The following PKNOX2 variants were observed in gnomAD, a reference collection of about 807,000 sequenced individuals.
PKNOX2 encodes the protein homeobox protein PKNOX2.
In PKNOX2, 14 loss-of-function variants were observed where a neutral mutation model predicts 53.1. The observed-to-expected ratio is 0.26, with a 90% confidence interval of 0.17 to 0.41. The LOEUF (loss-of-function observed/expected upper bound fraction) is 0.41, where lower values mean the gene tolerates loss of function less well. Ranked by LOEUF, PKNOX2 falls within the 10% of genes least tolerant of loss-of-function variation. The pLI, the probability that PKNOX2 is intolerant of heterozygous loss-of-function variation, is 1.00. For missense variants in PKNOX2, 496 were observed against 602.8 expected, an observed-to-expected ratio of 0.82 and a Z score of 1.85; for synonymous variants, 257 against 242.8, an observed-to-expected ratio of 1.06 and a Z score of -0.54.
chr11:125,389,584 A>G lies in PKNOX2; in HGVS notation c.399+3862A>G, dbSNP rs552146185. 2.4e-4 allele frequency among the ~76,000 whole-genome samples: 36 copies of G among 152,328 alleles called. No individual in the cohort carries two copies. In the South Asian group the frequency reaches 6.6e-3, roughly 28 times the overall value. On this transcript the variant is annotated intron_variant, in intron 6 of 12. Coordinates refer to ENST00000298282, the MANE Select transcript of PKNOX2 (RefSeq NM_001382323.2). ...AGGACGATTCCTAAGCTGGGCCCAC[A>G]GATCCCCTCCTTGGGCCCACCAGCC...
chr11:125,343,209 G>T (rs994787497), intron 3 of PKNOX2, among the ~76,000 whole-genome samples: 6 of 152,172 alleles, frequency 3.9e-5, no homozygotes, highest in Admixed American at 3.9e-4. Flanking sequence ...GGTGTGGTGA[G>T]TGTGAGTTTT....
intron 1 of PKNOX2, among the ~76,000 whole-genome samples, chr11:125,192,809 C>T (rs936405440): frequency 4.6e-5 from 7 of 152,238 alleles, no homozygotes; most frequent in South Asian, 2.1e-4. Flanking sequence ...CAGGAAATCA[C>T]GGCCAGCCAG....
At chr11:125,383,403 G>T in intron 5 of PKNOX2, among the ~76,000 whole-genome samples, 1 of 145,762 alleles carries the variant, frequency 6.9e-6, no homozygotes, top group Non-Finnish European at 1.5e-5. Context: ...TGAGGTCACA[G>T]TTTAGACCAG....
At chr11:125,387,688 C>G (rs115512040) in intron 6 of PKNOX2, among the ~76,000 whole-genome samples, 108 of 152,330 alleles carry the variant, frequency 7.1e-4, no homozygotes, top group African/African-American at 2.3e-3. Flanking sequence ...TGCCAGCGTT[C>G]CCTGGTCTTC....
At chr11:125,424,291 T>C (rs1435019936) in intron 10 of PKNOX2, among the ~76,000 whole-genome samples, 1 of 152,140 alleles carries the variant, frequency 6.6e-6, no homozygotes, top group Non-Finnish European at 1.5e-5. Context: ...ACAAGGGCAA[T>C]GACTACAGAA....
intron 2 of PKNOX2, among the ~76,000 whole-genome samples, chr11:125,277,022 G>A (rs1027531829): frequency 1.3e-5 from 2 of 152,154 alleles, no homozygotes; most frequent in East Asian, 1.9e-4. Flanking sequence ...ACACATGCAG[G>A]GAGTGATGGA....
Position 125,352,370 on chromosome 11 carries a change from C to T in PKNOX2, c.87+978C>T, listed in dbSNP as rs1951369808. Among the ~76,000 whole-genome samples the T allele has an allele frequency of 6.6e-6, 1 of 152,154 alleles. No homozygotes were observed. Among genetic ancestry groups the T allele is most frequent in the South Asian group, 2.1e-4 (1 of 4,826 alleles). ...AATTCGCCCATGTGCAGCAGGTGCC[C>T]GCTGGGTGCTGTGGGCAGGCTACCA... On this transcript the variant is annotated intron_variant, in intron 4 of 12. Transcript: ENST00000298282. The surrounding 1 kb of genome is among the most constrained non-coding windows in gnomAD (Gnocchi z 4.1).
chr11:125,247,036 C>T (rs1419816729), intron 2 of PKNOX2, among the ~76,000 whole-genome samples: 2 of 152,214 alleles, frequency 1.3e-5, no homozygotes, highest in African/African-American at 4.8e-5. Context: ...TTATTAAGCA[C>T]TGGCTGTGTG....
chr11:125,277,636 T>C (rs919335058), intron 2 of PKNOX2: 3 of 152,134 alleles, frequency 2.0e-5, no homozygotes, highest in Admixed American at 2.0e-4. Context: ...ACACACAAAT[T>C]CATGAAGCAT....
chr11:125,426,884 A>G (rs1956456097), intron 10 of PKNOX2, among the ~76,000 whole-genome samples: 1 of 152,184 alleles, frequency 6.6e-6, no homozygotes, highest in African/African-American at 2.4e-5. Flanking sequence ...TGCCTCAGGG[A>G]GTCGGGAAGG....
chr11:125,313,924 C>T (rs1285272796), intron 2 of PKNOX2, among the ~76,000 whole-genome samples: 1 of 152,178 alleles, frequency 6.6e-6, no homozygotes, highest in Non-Finnish European at 1.5e-5. Context: ...GATGTTAGTA[C>T]TTACCGCACA....
chr11:125,424,737 G>A (rs2135664741), intron 10 of PKNOX2, among the ~76,000 whole-genome samples: 1 of 152,326 alleles, frequency 6.6e-6, no homozygotes, highest in African/African-American at 2.4e-5. Context: ...CTCATGGTGA[G>A]ATCTACATGG....
At chr11:125,415,236 T>C (rs1458583089) in intron 10 of PKNOX2, among the ~76,000 whole-genome samples, 2 of 11,434 alleles carry the variant, frequency 1.7e-4, no homozygotes, top group Non-Finnish European at 3.1e-4. Context: ...AAGTTTAGCT[T>C]TTTTTTTTTT....
intron 2 of PKNOX2, among the ~76,000 whole-genome samples, chr11:125,295,438 A>G (rs1184125620): frequency 6.6e-6 from 1 of 152,220 alleles, no homozygotes; most frequent in East Asian, 1.9e-4. Context: ...GCATGTGTCC[A>G]TACACATGTA....
intron 10 of PKNOX2, among the ~76,000 whole-genome samples, chr11:125,412,308 G>A (rs991582997): frequency 6.6e-6 from 1 of 152,182 alleles, no homozygotes; most frequent in African/African-American, 2.4e-5. Context: ...CTCCCCACTG[G>A]GTGAGCCAAG....
intron 5 of PKNOX2, among the ~76,000 whole-genome samples, chr11:125,368,695 GGCTGA>G (rs1952331241): frequency 6.6e-6 from 1 of 152,192 alleles, no homozygotes; most frequent in African/African-American, 2.4e-5. Context: ...ACGCATCCAG[GGCTGA>G]GTCTTGAATG....
Position 125,397,981 on chromosome 11 carries a change from G to T in PKNOX2, c.507G>T (p.Lys169Asn), listed in dbSNP as rs747241358. ...CNRYITCLKTKMHSDNLLRND... is the reference protein window; with the variant it reads ...CNRYITCLKTNMHSDNLLRND... ...GTTACATCACCTGCCTCAAAACCAA[G>T]ATGCACAGCGACAACCTGCTCAGGA... is the stretch of plus-strand genomic sequence containing the variant. Residue 169 changes from lysine (K) to asparagine (N), a missense_variant, in exon 7 of 13, where the codon AAG (lysine) becomes AAT (asparagine). Lys to Asn is a moderately conservative substitution (Grantham distance 94). Coordinates refer to ENST00000298282, the MANE Select transcript of PKNOX2 (RefSeq NM_001382323.2). 1 of 1,614,052 alleles carries T rather than the reference G, an allele frequency of 6.2e-7. No individual in the cohort carries two copies. Among genetic ancestry groups the T allele is most frequent in the African/African-American group, 1.3e-5 (1 of 74,934 alleles).
intron 2 of PKNOX2, among the ~76,000 whole-genome samples, chr11:125,300,357 G>A (rs1947961914): frequency 6.6e-6 from 1 of 152,180 alleles, no homozygotes; most frequent in South Asian, 2.1e-4. Flanking sequence ...CACATTACAT[G>A]TATTACTCTA....
At chr11:125,290,701 T>C (rs1367535160) in intron 2 of PKNOX2, among the ~76,000 whole-genome samples, 1 of 152,212 alleles carries the variant, frequency 6.6e-6, no homozygotes, top group African/African-American at 2.4e-5. Context: ...CTTGTCCTAG[T>C]GTCAGGAATA....
Sources: allele counts gnomAD v4.1 joint callset (sites outside exome capture counted in the v4.1 genomes callset), GRCh38; gene constraint gnomAD v4.1.1; non-coding constraint Gnocchi (gnomAD v3.1); transcripts MANE v1.5; gene names NCBI Gene and HGNC (gene_info 2026-07-23, HGNC 2026-07-21).